Variants in CROCC2 observed in about 807,000 individuals in gnomAD.
The protein encoded by CROCC2 is ciliary rootlet coiled-coil, rootletin family member 2.
CROCC2 carries 163 observed loss-of-function variants against 177.6 expected under a neutral mutation model. The ratio of observed to expected loss-of-function variants is 0.92; its 90% CI spans 0.81 to 1.05. The LOEUF is 1.05. Ranked by LOEUF, CROCC2 falls within the 50% of genes least tolerant of loss-of-function variation. The pLI is 0.00. For synonymous variants in CROCC2, 904 were observed against 787.3 expected (o/e 1.15, Z -2.48); for missense variants, 1,929 against 1,797.8 (o/e 1.07, Z -1.32).
Position 240,960,512 on chromosome 2 carries a change from C to T in CROCC2, c.3087+1068C>T, listed in dbSNP as rs556285560. 1.2e-4 allele frequency among the ~76,000 whole-genome samples: 18 copies of T among 151,636 alleles called. No individual in the cohort carries two copies. Among genetic ancestry groups the T allele is most frequent in the African/African-American group, 3.4e-4 (14 of 41,334 alleles). On this transcript the variant is annotated intron_variant, in intron 20 of 31. Coordinates refer to ENST00000690015, the MANE Select transcript of CROCC2 (RefSeq NM_001351305.2). This position sits in a 1 kb window ranked among gnomAD's most constrained non-coding sequence, Gnocchi z 5.0. ...GAGGGGGGTTGGCAGGACGGGGGGA[C>T]GCCTGTGTGTGGCAAGGGCAGGAGG...
At chr2:240,919,894 G>A in intron 2 of CROCC2, 89 bp from the exon 3 acceptor site, 2 of 557,500 alleles carry the variant, frequency 3.6e-6, no homozygotes, top group Non-Finnish European at 3.3e-6. Context: ...CTGGTGGCCA[G>A]CCCAGGGTCC....
At chr2:240,984,361 G>T (rs1483352856) in intron 28 of CROCC2, among the ~76,000 whole-genome samples, 1 of 152,032 alleles carries the variant, frequency 6.6e-6, no homozygotes, top group Non-Finnish European at 1.5e-5. Flanking sequence ...CAGGTCGACT[G>T]ATAGGGAAAC....
intron 20 of CROCC2, 102 bp from the exon 21 acceptor site, chr2:240,963,454 G>A (rs2059656295): frequency 4.1e-6 from 5 of 1,232,762 alleles, no homozygotes; most frequent in South Asian, 1.6e-5. Context: ...GTTGGGCAGG[G>A]CACCTGTGCC....
In CROCC2 at chr2:240,949,227, G is replaced by A; in HGVS notation, c.2482+130G>A. 1 of 1,429,000 alleles carries A rather than the reference G, an allele frequency of 7.0e-7. No individual in the cohort carries two copies. The highest frequency in any genetic ancestry group is 1.4e-5 in the African/African-American group (1 of 69,592). The allele number at this position is 1,429,000 out of a possible 1,614,324, so 88.5% of individuals were successfully genotyped here. A position where few individuals can be genotyped will look rare whatever the true frequency, so the allele number is the denominator to read the frequency against. On this transcript the variant is annotated intron_variant, in intron 16 of 31. Coordinates refer to ENST00000690015, the MANE Select transcript of CROCC2 (RefSeq NM_001351305.2). The surrounding 1 kb of genome is among the most constrained non-coding windows in gnomAD (Gnocchi z 4.5). ...CCACAGGGGCATGAACATGAGCTTG[G>A]AGCTCATGCGACTGAGCGACTTGGG...
At chr2:240,925,395 C>A (rs940912850) in intron 4 of CROCC2, among the ~76,000 whole-genome samples, 1 of 152,218 alleles carries the variant, frequency 6.6e-6, no homozygotes, top group Non-Finnish European at 1.5e-5. Context: ...CCCTCCCAGC[C>A]CCTGGCACCT....
At chr2:240,959,608 G>A (rs1467086255) in intron 20 of CROCC2, 164 bp downstream of exon 20, 2 of 921,196 alleles carry the variant, frequency 2.2e-6, no homozygotes, top group Non-Finnish European at 3.1e-6. Flanking sequence ...CAGCCATAGG[G>A]GCATGGGACA....
At chr2:240,940,683 G>A (rs1226344494) in intron 14 of CROCC2, among the ~76,000 whole-genome samples, 1 of 152,176 alleles carries the variant, frequency 6.6e-6, no homozygotes, top group African/African-American at 2.4e-5. Flanking sequence ...AGTCGGCATT[G>A]AAGGGACATA....
intron 28 of CROCC2, among the ~76,000 whole-genome samples, chr2:240,987,588 G>T (rs7425888): frequency 6.6e-6 from 1 of 152,132 alleles, no homozygotes; most frequent in Non-Finnish European, 1.5e-5. Context: ...CTGTCTTAGG[G>T]CCCGAAACCA....
chr2:240,914,604 C>T (rs1461209391), intron 1 of CROCC2, among the ~76,000 whole-genome samples: 8 of 152,230 alleles, frequency 5.3e-5, no homozygotes, highest in Non-Finnish European at 4.4e-5. Flanking sequence ...GAGCTGCCTC[C>T]ATCCCACCCC....
rs1206633551 is a variant in CROCC2 at position 240,955,870 on chromosome 2, G to C, written c.2841G>C (p.Leu947=). ...LEHKMQQALS[L]KETERSLLSE... ...CCCGTCCTGTTCAGGCCCTGTCCCTGAAAGAAACAGAGCGGAGCCTTCTGA... is the reference window on the plus strand; with the variant it reads ...CCCGTCCTGTTCAGGCCCTGTCCCTCAAAGAAACAGAGCGGAGCCTTCTGA... The change falls in exon 19 of 32, where the codon CTG becomes CTC. Residue 947 remains leucine, a synonymous_variant. Transcript: ENST00000690015. 1 of 1,535,024 alleles carries C rather than the reference G, an allele frequency of 6.5e-7. No homozygotes were observed. Among genetic ancestry groups the C allele is most frequent in the South Asian group, 1.2e-5 (1 of 83,990 alleles).
intron 13 of CROCC2, 49 bp from the exon 14 acceptor site, chr2:240,935,309 G>T (rs2106462927): frequency 1.5e-6 from 2 of 1,327,290 alleles, no homozygotes; most frequent in East Asian, 6.0e-5. Context: ...GGCCTACAGG[G>T]ACCGAGGATG....
At chr2:240,983,643 G>A (rs969887666) in intron 28 of CROCC2, 3 of 1,277,380 alleles carry the variant, frequency 2.3e-6, no homozygotes, top group South Asian at 1.2e-5. Flanking sequence ...GCAGGGGCGC[G>A]GCTGGGAGAG....
chr2:240,952,994 G>T (rs1438004543), intron 18 of CROCC2, among the ~76,000 whole-genome samples: 1 of 152,168 alleles, frequency 6.6e-6, no homozygotes, highest in Non-Finnish European at 1.5e-5. Flanking sequence ...GGCCCGTCAA[G>T]GCCCCCACGC....
At position 240,921,249 on chromosome 2, in the gene CROCC2, C is replaced by G. The variant is rs576504471; in HGVS notation, c.381+1115C>G. ...CCCTCAGCTCTCTGAGGGGCCCGTTCTCTGCTCCCCACCCAGTTCTATCAC... is the reference window on the plus strand; with the variant it reads ...CCCTCAGCTCTCTGAGGGGCCCGTTGTCTGCTCCCCACCCAGTTCTATCAC... On this transcript the variant is annotated intron_variant, in intron 3 of 31. Transcript: ENST00000690015. 2.0e-5 allele frequency among the ~76,000 whole-genome samples: 3 copies of G among 152,302 alleles called. No homozygotes were observed. The East Asian group carries it at 5.8e-4, about 29-fold the overall frequency.
intron 17 of CROCC2, 31 bp from the exon 18 acceptor site, chr2:240,950,303 C>G: frequency 6.5e-7 from 1 of 1,541,018 alleles, no homozygotes; most frequent in Non-Finnish European, 8.7e-7. Flanking sequence ...ACCTGCCGGA[C>G]CTCACAGCCC....
In CROCC2 at chr2:240,993,017, G is replaced by C. The variant is rs34355701; in HGVS notation, c.4947-49G>C. 1.6e-3 allele frequency: 1,167 copies of C among 713,572 alleles called. 1 individual carries two copies. Among genetic ancestry groups the C allele is most frequent in the South Asian group, 3.8e-3 (254 of 67,084 alleles). The allele number at this position is 713,572 out of a possible 1,614,324, so 44.2% of individuals were successfully genotyped here. On this transcript the variant is annotated intron_variant, in intron 31 of 31. Coordinates refer to ENST00000690015, the MANE Select transcript of CROCC2 (RefSeq NM_001351305.2). ...AGCCCCCGGCAGCAGGAGCCCCCATGTGTCCCCGGGAATGCGGTGTCCACG... is the reference window on the plus strand; with the variant it reads ...AGCCCCCGGCAGCAGGAGCCCCCATCTGTCCCCGGGAATGCGGTGTCCACG...
At chr2:240,921,066 C>G (rs980727202) in intron 3 of CROCC2, among the ~76,000 whole-genome samples, 3 of 152,214 alleles carry the variant, frequency 2.0e-5, no homozygotes, top group Non-Finnish European at 4.4e-5. Flanking sequence ...GCCACACCAC[C>G]ATTACTGGGG....
intron 1 of CROCC2, among the ~76,000 whole-genome samples, chr2:240,916,573 AGCTGGGCCGCGGCCTATT>A (rs2059322757): frequency 7.1e-6 from 1 of 140,568 alleles, no homozygotes. Flanking sequence ...CTCCGGCTCC[AGCTGGGCCGCGGCCTATT>A]GCAGGCACCC....
At chr2:240,926,090 C>A (rs1180000386) in intron 5 of CROCC2, among the ~76,000 whole-genome samples, 1 of 152,218 alleles carries the variant, frequency 6.6e-6, no homozygotes, top group Non-Finnish European at 1.5e-5. Flanking sequence ...CCCTACTGCC[C>A]CCCACCCGGA....
Sources: gnomAD v4.1 joint callset for allele counts (sites outside exome capture counted in the v4.1 genomes callset) on GRCh38, gnomAD v4.1.1 for gene constraint, Gnocchi (gnomAD v3.1) non-coding constraint, MANE v1.5 for transcripts, NCBI Gene and HGNC (gene_info 2026-07-23, HGNC 2026-07-21) for gene names.